The following TCF4 variants were observed in gnomAD, a reference collection of about 807,000 sequenced individuals.
The protein encoded by TCF4 is SL3-3 enhancer factor 2.
A neutral mutation model predicts 82.1 loss-of-function variants in TCF4; 3 were observed. The observed-to-expected ratio is 0.04, with a 90% CI of 0.02 to 0.09. The LOEUF is 0.09. Ranked by LOEUF, TCF4 falls within the 10% of genes least tolerant of loss-of-function variation. The probability of loss-of-function intolerance (pLI) is 1.00; values close to 1 mark genes in which losing one functional copy is unlikely to be tolerated. For synonymous variants in TCF4, 276 were observed against 309.6 expected (o/e 0.89, Z 1.14); for missense variants, 518 against 852.7 (o/e 0.61, Z 4.89).
intron 15 of TCF4, among the ~76,000 whole-genome samples, chr18:55,243,598 T>A (rs1310049680): frequency 6.6e-6 from 1 of 151,934 alleles, no homozygotes; most frequent in African/African-American, 2.4e-5. Flanking sequence ...TTTTGTTTGT[T>A]TGTTTGTTTG....
intron 3 of TCF4, among the ~76,000 whole-genome samples, chr18:55,546,606 T>G (rs889996553): frequency 6.6e-6 from 1 of 152,248 alleles, no homozygotes; most frequent in South Asian, 2.1e-4. Flanking sequence ...AAAGAGGGCC[T>G]GGAGAAGATA....
intron 8 of TCF4, among the ~76,000 whole-genome samples, chr18:55,327,814 C>T (rs2076828907): frequency 6.6e-6 from 1 of 152,116 alleles, no homozygotes; most frequent in South Asian, 2.1e-4. Context: ...AAAACTCACA[C>T]AGACATATAT....
chr18:55,296,873 T>C (rs2066635131), intron 8 of TCF4, among the ~76,000 whole-genome samples: 1 of 152,166 alleles, frequency 6.6e-6, no homozygotes, highest in South Asian at 2.1e-4. Flanking sequence ...CATGGTAAAC[T>C]GATTTGCCGT....
At chr18:55,434,738 A>G (rs1417862658) in intron 5 of TCF4, among the ~76,000 whole-genome samples, 1 of 140,424 alleles carries the variant, frequency 7.1e-6, no homozygotes, top group Non-Finnish European at 1.5e-5. Flanking sequence ...GGAATACAGG[A>G]CATTCTGATC....
intron 8 of TCF4, among the ~76,000 whole-genome samples, chr18:55,326,650 T>TA (rs1380313557): frequency 6.6e-6 from 1 of 152,050 alleles, no homozygotes; most frequent in Non-Finnish European, 1.5e-5. Flanking sequence ...TCTTTAAACT[T>TA]AGAGGAATAG....
chr18:55,393,717 A>G (rs1358502152), intron 6 of TCF4, among the ~76,000 whole-genome samples: 1 of 152,226 alleles, frequency 6.6e-6, no homozygotes, highest in Non-Finnish European at 1.5e-5. Flanking sequence ...GAAGGAAAAC[A>G]AAAGTGAGAA....
chr18:55,473,629 T>C (rs1172459552), intron 3 of TCF4, among the ~76,000 whole-genome samples: 1 of 152,222 alleles, frequency 6.6e-6, no homozygotes, highest in Non-Finnish European at 1.5e-5. Flanking sequence ...CAATCTTGCA[T>C]GTTATCTTCA....
chr18:55,305,001 C>T (rs946229560), intron 8 of TCF4, among the ~76,000 whole-genome samples: 2 of 151,902 alleles, frequency 1.3e-5, no homozygotes, highest in African/African-American at 4.8e-5. Flanking sequence ...TTTCAGGTGA[C>T]GGGACACAAT....
rs1388382383 is a variant in TCF4, at chr18:55,362,369, GGAAGGAAGGAAGGAAGGAAGGAAA to G, written c.370-11390_370-11367del. ...AGGAAGGAAGGAAGGAAGGAAGGAA[GGAAGGAAGGAAGGAAGGAAGGAAA>G]GAAGGAAGGAAGGAAGGAAGGAAGG... On this transcript the variant is annotated intron_variant, in intron 6 of 19. Transcript: ENST00000354452. Among the ~76,000 whole-genome samples, 182 of 91,758 alleles carry G rather than the reference GGAAGGAAGGAAGGAAGGAAGGAAA, an allele frequency of 2.0e-3. 5 individuals are homozygous for G. Among genetic ancestry groups the G allele is most frequent in the African/African-American group, 7.8e-3 (165 of 21,224 alleles). 60.2% of individuals were successfully genotyped at this position (91,758 alleles called of 152,430 possible). A position where few individuals can be genotyped will look rare whatever the true frequency, so the allele number is the denominator to read the frequency against.
chr18:55,408,603 AC>A (rs996057642), intron 5 of TCF4, among the ~76,000 whole-genome samples: 1 of 152,128 alleles, frequency 6.6e-6, no homozygotes, highest in Admixed American at 6.6e-5. Context: ...TGTATTAACC[AC>A]TGCTCAAAGC....
At position 55,531,490 on chromosome 18, in the gene TCF4, G is replaced by GTAT. The variant is rs765637625; in HGVS notation, c.145+53787_145+53789dup. 7.9e-5 allele frequency among the ~76,000 whole-genome samples: 12 copies of GTAT among 152,234 alleles called. No individual in the cohort carries two copies. The South Asian group carries it at 2.5e-3, about 32-fold the overall frequency. ...AAAATAGAAATATAGAGATATGGAT[G>GTAT]TATACACTGTATATATATAAACACA... is the stretch of plus-strand genomic sequence containing the variant. On this transcript the variant is annotated intron_variant, in intron 3 of 19. Transcript: ENST00000354452.
intron 8 of TCF4, among the ~76,000 whole-genome samples, chr18:55,289,487 A>G (rs1035615948): frequency 6.6e-6 from 1 of 152,214 alleles, no homozygotes; most frequent in African/African-American, 2.4e-5. Context: ...AATTATTTCT[A>G]TCTCTGTTTA....
At chr18:55,320,664 C>G (rs146884830) in intron 8 of TCF4, among the ~76,000 whole-genome samples, 50 of 152,172 alleles carry the variant, frequency 3.3e-4, no homozygotes, top group African/African-American at 1.1e-3. Context: ...CCCCTTTGGC[C>G]CAACTATCCC....
intron 8 of TCF4, among the ~76,000 whole-genome samples, chr18:55,346,293 CTACT>C (rs1265678631): frequency 6.6e-6 from 1 of 151,944 alleles, no homozygotes; most frequent in African/African-American, 2.4e-5. Flanking sequence ...TCAAACCTAC[CTACT>C]GATTAACTAA....
chr18:55,613,251 C>G (rs1243437543), intron 2 of TCF4, among the ~76,000 whole-genome samples: 3 of 152,114 alleles, frequency 2.0e-5, no homozygotes, highest in Admixed American at 1.3e-4. Flanking sequence ...CCCTCCTTCC[C>G]AATCCTGCCT....
At chr18:55,339,735 A>AT (rs2079427644) in intron 8 of TCF4, among the ~76,000 whole-genome samples, 1 of 152,216 alleles carries the variant, frequency 6.6e-6, no homozygotes, top group Non-Finnish European at 1.5e-5. Context: ...AGAGTTAACT[A>AT]AATCAGCCTT....
chr18:55,447,436 C>A lies in TCF4; in HGVS notation c.304+13583G>T, dbSNP rs75713372. Among the ~76,000 whole-genome samples, 830 of 152,220 alleles carry A rather than the reference C, an allele frequency of 5.5e-3. 2 individuals carry two copies. Among genetic ancestry groups the A allele is most frequent in the Non-Finnish European group, 8.6e-3 (583 of 68,016 alleles). ...GTAATTATCTGATATCTACCTGATT[C>A]TTTTATTAGGATGTGGGCCAAGTTG... On this transcript the variant is annotated intron_variant, in intron 5 of 19. Coordinates refer to ENST00000354452, the MANE Select transcript of TCF4 (RefSeq NM_001083962.2).
intron 5 of TCF4, among the ~76,000 whole-genome samples, chr18:55,430,001 G>A (rs2095136655): frequency 6.6e-6 from 1 of 151,954 alleles, no homozygotes; most frequent in Admixed American, 6.6e-5. Context: ...GCATATGGAC[G>A]ACTGGGGGTT....
At chr18:55,269,588 C>T in intron 11 of TCF4, 1 of 536,216 alleles carries the variant, frequency 1.9e-6, no homozygotes, top group Non-Finnish European at 3.4e-6. Context: ...TGTTTGAACC[C>T]TTGTTCAATC....
Sources: allele counts gnomAD v4.1 joint callset (sites outside exome capture counted in the v4.1 genomes callset), GRCh38; gene constraint gnomAD v4.1.1; transcripts MANE v1.5; gene names NCBI Gene and HGNC (gene_info 2026-07-23, HGNC 2026-07-21).